Variants in CSMD3 observed in about 807,000 individuals in gnomAD.
CSMD3 encodes the protein CUB and sushi domain-containing protein 3.
In CSMD3, 177 loss-of-function variants were observed where a neutral mutation model predicts 435.2. The ratio of observed to expected loss-of-function variants is 0.41; its 90% CI spans 0.36 to 0.46. The LOEUF is 0.46. Ranked by LOEUF, CSMD3 falls within the 20% of genes least tolerant of loss-of-function variation. The pLI is 0.34. For missense variants in CSMD3, 4,265 were observed against 4,504.6 expected, an observed-to-expected ratio of 0.95 and a Z score of 1.52; for synonymous variants, 1,656 against 1,520.5, an observed-to-expected ratio of 1.09 and a Z score of -2.07.
intron 59 of CSMD3, among the ~76,000 whole-genome samples, chr8:112,265,934 A>T (rs539479149): frequency 6.6e-6 from 1 of 152,260 alleles, no homozygotes; most frequent in African/African-American, 2.4e-5. Flanking sequence ...GATTTCTAAC[A>T]TAATATTTGA....
At chr8:112,821,265 A>C (rs1237527934) in intron 12 of CSMD3, among the ~76,000 whole-genome samples, 1 of 152,156 alleles carries the variant, frequency 6.6e-6, no homozygotes, top group Admixed American at 6.5e-5. Context: ...TTACATTCTT[A>C]CCAGCAATGT....
chr8:112,767,774 A>G (rs1310295402), intron 13 of CSMD3, among the ~76,000 whole-genome samples: 2 of 151,746 alleles, frequency 1.3e-5, no homozygotes, highest in Admixed American at 1.3e-4. Flanking sequence ...TCAATTTTAA[A>G]TACCCTCATA....
chr8:112,391,801 C>T (rs1830443352), intron 35 of CSMD3, among the ~76,000 whole-genome samples: 1 of 152,092 alleles, frequency 6.6e-6, no homozygotes, highest in Admixed American at 6.5e-5. Context: ...TAGTTATTGC[C>T]AGTCTAACTA....
intron 59 of CSMD3, among the ~76,000 whole-genome samples, chr8:112,271,398 TTAA>T (rs1817520851): frequency 6.6e-6 from 1 of 152,170 alleles, no homozygotes; most frequent in South Asian, 2.1e-4. Context: ...AGGTCATAAA[TTAA>T]TGAGACATTT....
At chr8:113,241,993 T>C (rs1349844859) in intron 3 of CSMD3, among the ~76,000 whole-genome samples, 5 of 151,130 alleles carry the variant, frequency 3.3e-5, no homozygotes, top group Non-Finnish European at 1.5e-5. Flanking sequence ...TTTATATCTA[T>C]ATACATATAT....
chr8:112,975,941 T>A lies in CSMD3; in HGVS notation c.1238A>T (p.Asp413Val), dbSNP rs2130932871. Reference protein sequence around the residue: ...NSGLDPNTSKDGLSPHPADTQ... With the variant: ...NSGLDPNTSKVGLSPHPADTQ... ...ATCTGCTGGATGAGGAGAGAGCCCGTCCTTGGACGTGTTGGGGTCCAGACC... is the reference window on the plus strand; with the variant it reads ...ATCTGCTGGATGAGGAGAGAGCCCGACCTTGGACGTGTTGGGGTCCAGACC... Residue 413 changes from aspartate to valine, a missense_variant, in exon 7 of 71, where the codon GAC becomes GTC. Around this residue, in one of 3 missense-constraint regions of CSMD3, gnomAD observed 731 missense variants for 755.4 expected, o/e 0.97. Transcript: ENST00000297405. The A allele has an allele frequency of 6.2e-7, 1 of 1,614,042 alleles. No individual in the cohort carries two copies. The highest frequency in any genetic ancestry group is 8.5e-7 in the Non-Finnish European group (1 of 1,179,960).
At chr8:113,366,298 G>A (rs549099030) in intron 1 of CSMD3, among the ~76,000 whole-genome samples, 2 of 151,752 alleles carry the variant, frequency 1.3e-5, no homozygotes, top group East Asian at 1.9e-4. Context: ...TTCTTTATAG[G>A]ACACAAGGAT....
At chr8:112,265,300 T>A in intron 60 of CSMD3, 111 bp downstream of exon 60, 1 of 593,542 alleles carries the variant, frequency 1.7e-6, no homozygotes, top group Non-Finnish European at 2.7e-6. Context: ...GAAAAATAAA[T>A]GCAACCTGGA....
intron 12 of CSMD3, among the ~76,000 whole-genome samples, chr8:112,801,591 ACT>A (rs2078963400): frequency 6.6e-6 from 1 of 152,012 alleles, no homozygotes; most frequent in Admixed American, 6.6e-5. Flanking sequence ...TATAAAACAA[ACT>A]CACACATATA....
chr8:112,726,773 G>A lies in CSMD3; in HGVS notation c.1973-36723C>T, dbSNP rs758652452. On this transcript the variant is annotated intron_variant, in intron 13 of 70. Transcript: ENST00000297405. The stretch of plus-strand genomic sequence containing the variant: ...AAGATAATCCAAATACTATAGATGC[G>A]TCATTAAATTTTTAAAAAGATACGG... 4.6e-5 allele frequency among the ~76,000 whole-genome samples: 7 copies of A among 151,670 alleles called. No individual in the cohort carries two copies. In the South Asian group the frequency reaches 6.2e-4, roughly 14 times the overall value.
At chr8:113,419,398 G>A (rs1379227545) in intron 1 of CSMD3, among the ~76,000 whole-genome samples, 3 of 151,998 alleles carry the variant, frequency 2.0e-5, no homozygotes, top group Admixed American at 6.6e-5. Flanking sequence ...GATTACAGGC[G>A]TGAACCACTG....
chr8:112,707,728 G>A (rs949491614), intron 13 of CSMD3, among the ~76,000 whole-genome samples: 9 of 152,024 alleles, frequency 5.9e-5, no homozygotes, highest in Non-Finnish European at 1.5e-5. Context: ...TCTCAAAAGA[G>A]AATCCTGAAT....
chr8:113,309,521 G>C (rs1217411729), intron 2 of CSMD3: 2 of 152,120 alleles, frequency 1.3e-5, no homozygotes, highest in Non-Finnish European at 2.9e-5. Context: ...TTAAGATTTT[G>C]TGTTATGTTA....
chr8:112,724,108 A>C (rs2076916955), intron 13 of CSMD3, among the ~76,000 whole-genome samples: 1 of 152,094 alleles, frequency 6.6e-6, no homozygotes, highest in African/African-American at 2.4e-5. Context: ...GAAGCAGAAT[A>C]GGGTAACTGT....
intron 65 of CSMD3, 78 bp from the exon 66 acceptor site, chr8:112,241,863 C>A: frequency 1.1e-6 from 1 of 870,810 alleles, no homozygotes; most frequent in East Asian, 2.4e-5. Flanking sequence ...CACACGCACA[C>A]ACACACACAG....
chr8:113,154,328 A>C (rs1329534557), intron 4 of CSMD3, among the ~76,000 whole-genome samples: 21 of 151,994 alleles, frequency 1.4e-4, no homozygotes, highest in Non-Finnish European at 2.6e-4. Flanking sequence ...TGGTCACTGA[A>C]ATTTATTAAA....
chr8:112,430,247 C>G (rs1813515205), intron 32 of CSMD3, among the ~76,000 whole-genome samples: 1 of 151,846 alleles, frequency 6.6e-6, no homozygotes, highest in South Asian at 2.1e-4. Context: ...TAAAGAGACT[C>G]AAATGAAGAG....
chr8:112,898,458 C>T (rs1477263067), intron 10 of CSMD3, among the ~76,000 whole-genome samples: 1 of 151,140 alleles, frequency 6.6e-6, no homozygotes, highest in Non-Finnish European at 1.5e-5. Context: ...TATTAGTACT[C>T]TAGTAAATTA....
chr8:112,265,445 A>G lies in CSMD3; in HGVS notation c.9654T>C (p.Asn3218=). The change falls in exon 60 of 71, where the codon AAT becomes AAC. Residue 3218 remains asparagine, a synonymous_variant. Transcript: ENST00000297405. The part of the protein sequence containing the change: ...NGSRIRTCTI[N]GTWSGVMPTC... Reference sequence around the variant, plus strand: ...TTGGCATTACTCCACTCCATGTGCCATTAATTGTACAAGTCCTGATTCTGG... The same window carrying G: ...TTGGCATTACTCCACTCCATGTGCCGTTAATTGTACAAGTCCTGATTCTGG... 1 of 1,613,806 alleles carries G rather than the reference A, an allele frequency of 6.2e-7. No individual in the cohort carries two copies. The highest frequency in any genetic ancestry group is 8.5e-7 in the Non-Finnish European group (1 of 1,179,734).
Sources: gnomAD v4.1 joint callset for allele counts (sites outside exome capture counted in the v4.1 genomes callset) on GRCh38, gnomAD v4.1.1 for gene constraint, gnomAD v4.1.1 regional missense constraint, MANE v1.5 for transcripts, NCBI Gene and HGNC (gene_info 2026-07-23, HGNC 2026-07-21) for gene names.